Variants in AGBL5 observed in about 807,000 individuals in gnomAD.
AGBL5 encodes the protein cytosolic carboxypeptidase-like protein 5.
A neutral mutation model predicts 88.0 loss-of-function variants in AGBL5; 51 were observed. That is an observed-to-expected ratio of 0.58 (90% CI 0.46 to 0.73). The LOEUF (loss-of-function observed/expected upper bound fraction) is 0.73. Among genes scored for constraint, AGBL5 ranks in the 30% least tolerant of loss-of-function variants. The probability of loss-of-function intolerance (pLI) is 0.00; values close to 1 mark genes in which losing one functional copy is unlikely to be tolerated. For synonymous variants in AGBL5, 446 were observed against 438.8 expected (o/e 1.02, Z -0.21); for missense variants, 1,031 against 1,162.2 (o/e 0.89, Z 1.64).
intron 7 of AGBL5, 128 bp from the exon 8 acceptor site, chr2:27,056,495 T>C: frequency 1.2e-6 from 1 of 837,830 alleles, no homozygotes; most frequent in Non-Finnish European, 1.8e-6. Flanking sequence ...CAGGCAGCAC[T>C]GATTACTGTT....
upstream of AGBL5, among the ~76,000 whole-genome samples, chr2:27,051,205 G>A (rs72808941): frequency 0.028 from 4,294 of 152,276 alleles, 77 homozygotes; most frequent in Non-Finnish European, 0.043. Context: ...AAAGAACTAA[G>A]CAGCAGGCGG....
chr2:27,051,266 G>A (rs1022304639), upstream of AGBL5, among the ~76,000 whole-genome samples: 2 of 152,292 alleles, frequency 1.3e-5, no homozygotes, highest in South Asian at 2.1e-4. Context: ...GAGGTAGCGG[G>A]ATCGATGCCC....
rs149553528 is a variant in AGBL5, at chr2:27,055,693, G to A, written c.920G>A (p.Arg307His). The A allele has an allele frequency of 2.2e-5, 35 of 1,612,990 alleles. No individual in the cohort carries two copies. In the African/African-American group the frequency reaches 3.9e-4, roughly 18 times the overall value. The part of the protein sequence containing the change: ...VVRGHYRTDS[R>H]GVNLNRQYLK... ...TTGTTTTCCTACAGCACAGACTCAC[G>A]TGGAGTGAATCTGAACCGTCAGTAC... Residue 307 changes from arginine to histidine, a missense_variant, in exon 7 of 15, where the codon CGT (arginine) becomes CAT (histidine). Physicochemically the swap from Arg to His is conservative, Grantham distance 29. Coordinates refer to ENST00000360131, the MANE Select transcript of AGBL5 (RefSeq NM_021831.6).
chr2:27,069,116 G>A, intron 13 of AGBL5: 1 of 1,338,658 alleles, frequency 7.5e-7, no homozygotes, highest in Non-Finnish European at 9.8e-7. Flanking sequence ...GGTTGCTGCT[G>A]CTAGGAACAG....
In AGBL5 at chr2:27,070,230, A is replaced by G; in HGVS notation, c.2628A>G (p.Lys876=). 1.2e-6 allele frequency: 2 copies of G among 1,613,968 alleles called. No homozygotes were observed. The highest frequency in any genetic ancestry group is 1.7e-6 in the Non-Finnish European group (2 of 1,179,974). ...LGQPEVCFVP[K]SPPLTVSPRV is the part of the protein sequence containing the mutation. ...AACCTGAGGTTTGTTTTGTCCCTAAATCTCCCCCACTGACTGTTTCTCCCC... is the reference window on the plus strand; with the variant it reads ...AACCTGAGGTTTGTTTTGTCCCTAAGTCTCCCCCACTGACTGTTTCTCCCC... The change falls in exon 15 of 15, where the codon AAA becomes AAG. Residue 876 remains lysine, a synonymous_variant. Transcript: ENST00000360131.
chr2:27,062,680 C>T (rs1484459559), intron 11 of AGBL5: 3 of 152,166 alleles, frequency 2.0e-5, no homozygotes, highest in Non-Finnish European at 2.9e-5. Context: ...TGGGGAACTA[C>T]TGTGGTGGAT....
chr2:27,070,242 G>A lies in AGBL5; in HGVS notation c.2640G>A (p.Leu880=), dbSNP rs752821285. 14 of 1,614,178 alleles carry A rather than the reference G, an allele frequency of 8.7e-6. No homozygotes were observed. Among genetic ancestry groups the A allele is most frequent in the African/African-American group, 1.3e-5 (1 of 75,044 alleles). The change falls in exon 15 of 15, where the codon CTG becomes CTA. Residue 880 remains leucine, a synonymous_variant. Transcript: ENST00000360131. The part of the protein sequence containing the change: ...EVCFVPKSPP[L]TVSPRV ...GTTTTGTCCCTAAATCTCCCCCACT[G>A]ACTGTTTCTCCCCGGGTCTGATAAT...
chr2:27,067,309 CTG>C (rs1361521444), intron 11 of AGBL5, among the ~76,000 whole-genome samples, 183 bp from the exon 12 acceptor site: 1 of 147,740 alleles, frequency 6.8e-6, no homozygotes, highest in African/African-American at 2.5e-5. Context: ...GAATGGATAA[CTG>C]TAATAAATAG....
intron 11 of AGBL5, among the ~76,000 whole-genome samples, chr2:27,064,474 CTTT>C (rs988659347): frequency 1.3e-5 from 2 of 151,162 alleles, no homozygotes; most frequent in African/African-American, 2.4e-5. Context: ...TTTTGTATTT[CTTT>C]TTTTAGTAGA....
In AGBL5 at chr2:27,068,668, C is replaced by T; in HGVS notation, c.2279C>T (p.Pro760Leu). The change falls in exon 13 of 15, where the codon CCA becomes CTA. Residue 760 changes from proline to leucine, a missense_variant. By Grantham distance (98) the Pro-to-Leu change is moderately conservative (BLOSUM62 -3). Transcript: ENST00000360131. Reference sequence around the variant, plus strand: ...TCACTCTTGTCCTCTGGAGACAAACCAGAGGCTGTCATGGTAATCGGGAAA... The same window carrying T: ...TCACTCTTGTCCTCTGGAGACAAACTAGAGGCTGTCATGGTAATCGGGAAA... ...SCSLLSSGDK[P>L]EAVMVIGKGL... is the part of the protein sequence containing the mutation. 1 of 1,614,156 alleles carries T rather than the reference C, an allele frequency of 6.2e-7. No homozygotes were observed. The highest frequency in any genetic ancestry group is 2.2e-5 in the East Asian group (1 of 44,888).
In AGBL5 at chr2:27,056,097, T is replaced by G. The variant is rs772266754; in HGVS notation, c.1324T>G (p.Cys442Gly). The change falls in exon 7 of 15, where the codon TGC becomes GGC. Residue 442 changes from cysteine to glycine, a missense_variant. By Grantham distance (159) the Cys-to-Gly change is radical (BLOSUM62 -3). Around this residue, in one of 2 missense-constraint regions of AGBL5, gnomAD observed 540 missense variants for 678.2 expected, o/e 0.80. Coordinates refer to ENST00000360131, the MANE Select transcript of AGBL5 (RefSeq NM_021831.6). ...GCATGGACATGCTTCCAAAAGGGGC[T>G]GCTTCATGTACGGAAACAGCTTTAG... ...DLHGHASKRGCFMYGNSFSDE... is the reference protein window; with the variant it reads ...DLHGHASKRGGFMYGNSFSDE... 6.2e-7 allele frequency: 1 copy of G among 1,613,790 alleles called. No homozygotes were observed. The highest frequency in any genetic ancestry group is 8.5e-7 in the Non-Finnish European group (1 of 1,179,786).
rs757987471 is a variant in AGBL5 at position 27,053,519 on chromosome 2, C to T, written c.333C>T (p.Arg111=). The change falls in exon 3 of 15, where the codon CGC becomes CGT. Residue 111 remains arginine, a synonymous_variant. Transcript: ENST00000360131. The surrounding 1 kb of genome is among the most constrained non-coding windows in gnomAD (Gnocchi z 4.9). ...LYSQGMAPFV[R]TLPTRPRWER... ...CCCAGGGCATGGCCCCCTTTGTGCG[C>T]ACACTGCCCACCCGGCCACGCTGGG... 17 of 1,614,140 alleles carry T rather than the reference C, an allele frequency of 1.1e-5. No homozygotes were observed. In the South Asian group the frequency reaches 1.9e-4, roughly 18 times the overall value.
chr2:27,062,535 C>T (rs556665545), intron 11 of AGBL5: 2 of 152,300 alleles, frequency 1.3e-5, no homozygotes, highest in African/African-American at 4.8e-5. Context: ...TTCTCTGTTA[C>T]TTCCCCCTAC....
rs1460046690 is a variant in AGBL5 at position 27,052,932 on chromosome 2, G to GATGCT, written c.-27_-26insATGCT. On this transcript the variant is annotated 5_prime_UTR_variant, in exon 2 of 15. In the 5' UTR this introduces an upstream ATG that the reference lacks. Coordinates refer to ENST00000360131, the MANE Select transcript of AGBL5 (RefSeq NM_021831.6). Reference sequence around the variant, plus strand: ...CCCCAGCTCTCAGGGCCAGAGCGGGGCAGGAGGATGCTTTCCCAGCCCCAC... The same window carrying GATGCT: ...CCCCAGCTCTCAGGGCCAGAGCGGGGATGCTCAGGAGGATGCTTTCCCAGCCCCAC... The GATGCT allele has an allele frequency of 3.6e-5, 57 of 1,566,848 alleles. No homozygotes were observed. The highest frequency in any genetic ancestry group is 4.7e-5 in the Non-Finnish European group (54 of 1,149,910).
chr2:27,064,160 G>A (rs1411142336), intron 11 of AGBL5, among the ~76,000 whole-genome samples: 2 of 152,124 alleles, frequency 1.3e-5, no homozygotes, highest in African/African-American at 4.8e-5. Flanking sequence ...TTGGCTCTGG[G>A]CCCTAGACTA....
chr2:27,053,037 T>G lies in AGBL5; in HGVS notation c.79T>G (p.Ser27Ala). ...TCTAGCCCACGTGGAGAAGGTGGAA[T>G]CTTTGTCCAGTGATGGGGAAGGGGT... ...GNLAHVEKVE[S>A]LSSDGEGVGG... Residue 27 changes from serine (S) to alanine (A), a missense_variant, in exon 2 of 15, where the codon TCT (serine) becomes GCT (alanine). Ser to Ala is a moderately conservative substitution (Grantham distance 99, BLOSUM62 1). This residue lies in a region of AGBL5 where 540 missense variants were observed against 678.2 expected (regional missense o/e 0.80). Transcript: ENST00000360131. This position sits in a 1 kb window ranked among gnomAD's most constrained non-coding sequence, Gnocchi z 4.9. 6.2e-7 allele frequency: 1 copy of G among 1,613,844 alleles called. No individual in the cohort carries two copies. The highest frequency in any genetic ancestry group is 8.5e-7 in the Non-Finnish European group (1 of 1,179,898).
intron 12 of AGBL5, 76 bp from the exon 13 acceptor site, chr2:27,068,556 A>T: frequency 7.4e-7 from 1 of 1,343,984 alleles, no homozygotes; most frequent in Non-Finnish European, 1.0e-6. Context: ...TGCCAAGGTT[A>T]AGAAACCCTG....
At chr2:27,060,497 A>C (rs529776035) in intron 11 of AGBL5, among the ~76,000 whole-genome samples, 1 of 152,396 alleles carries the variant, frequency 6.6e-6, no homozygotes, top group South Asian at 2.1e-4. Context: ...TCTGCACTAC[A>C]GAAGTCTTGC....
chr2:27,064,494 G>C (rs1043616655), intron 11 of AGBL5, among the ~76,000 whole-genome samples: 2 of 151,286 alleles, frequency 1.3e-5, no homozygotes, highest in African/African-American at 4.9e-5. Context: ...TAGAGATGGG[G>C]TTTCACCAAG....
Sources: gnomAD v4.1 joint callset for allele counts (sites outside exome capture counted in the v4.1 genomes callset) on GRCh38, gnomAD v4.1.1 for gene constraint, gnomAD v4.1.1 regional missense constraint, Gnocchi (gnomAD v3.1) non-coding constraint, MANE v1.5 for transcripts, NCBI Gene and HGNC (gene_info 2026-07-23, HGNC 2026-07-21) for gene names.